The following ZRANB1 variants were observed in gnomAD, a reference collection of about 807,000 sequenced individuals.
ZRANB1 encodes ubiquitin thioesterase ZRANB1.
Under a neutral mutation model 80.5 loss-of-function variants are expected in ZRANB1, and 16 were observed. The ratio of observed to expected loss-of-function variants is 0.20; its 90% confidence interval spans 0.13 to 0.30. ZRANB1 has a LOEUF of 0.30. Among genes scored for constraint, ZRANB1 ranks in the 10% least tolerant of loss-of-function variants. The pLI is 1.00. For synonymous variants in ZRANB1, 291 were observed against 293.1 expected, an observed-to-expected ratio of 0.99 and a Z score of 0.07; for missense variants, 576 against 862.6, an observed-to-expected ratio of 0.67 and a Z score of 4.16.
chr10:124,949,960 T>TA (rs1554936833), intron 1 of ZRANB1, among the ~76,000 whole-genome samples: 4 of 152,260 alleles, frequency 2.6e-5, no homozygotes, highest in East Asian at 1.9e-4. Flanking sequence ...ATCAATGACT[T>TA]ACGGACTGAA....
the ZRANB1 span, among the ~76,000 whole-genome samples, chr10:124,921,007 T>C: frequency 1.3e-5 from 2 of 152,204 alleles, no homozygotes; most frequent in African/African-American, 4.8e-5. Context: ...ATGAGACAAA[T>C]ACTTGAAACT....
At chr10:124,923,379 A>G in the ZRANB1 span, among the ~76,000 whole-genome samples, 1 of 150,474 alleles carries the variant, frequency 6.6e-6, no homozygotes, top group African/African-American at 2.5e-5. Flanking sequence ...GGATCACGAG[A>G]TCAGGAGTTC....
At position 124,987,141 on chromosome 10, in the gene ZRANB1, A is replaced by G. The variant is rs1366236210; in HGVS notation, c.*2149A>G. The stretch of plus-strand genomic sequence containing the variant: ...AAAGGCCAAAAATTTTGGTAAATCA[A>G]TGCTATATTATGCTCTTGAACTATT... On this transcript the variant is annotated 3_prime_UTR_variant, in exon 9 of 9. Transcript: ENST00000359653. The G allele has an allele frequency of 2.0e-5, 3 of 152,586 alleles. No homozygotes were observed. The highest frequency in any genetic ancestry group is 7.2e-5 in the African/African-American group (3 of 41,416). The allele number at this position is 152,586 out of a possible 1,614,324, so 9.5% of individuals were successfully genotyped here. A position where few individuals can be genotyped will look rare whatever the true frequency, so the allele number is the denominator to read the frequency against.
At chr10:124,935,784 G>GT in the ZRANB1 span, among the ~76,000 whole-genome samples, 1 of 152,158 alleles carries the variant, frequency 6.6e-6, no homozygotes, top group African/African-American at 2.4e-5. Flanking sequence ...AACACAAGGT[G>GT]CTGGTCTACC....
upstream of ZRANB1, among the ~76,000 whole-genome samples, chr10:124,941,388 C>T (rs1401157694): frequency 6.6e-6 from 1 of 152,066 alleles, no homozygotes; most frequent in African/African-American, 2.4e-5. Flanking sequence ...GAGTCTCACT[C>T]TGTCACCCAG....
Position 124,951,028 on chromosome 10 carries a change from A to C in ZRANB1, c.814+7721A>C, listed in dbSNP as rs1056824811. 4.0e-5 allele frequency among the ~76,000 whole-genome samples: 6 copies of C among 149,152 alleles called. No individual in the cohort carries two copies. In the Admixed American group the frequency reaches 4.1e-4, roughly 10 times the overall value. On this transcript the variant is annotated intron_variant, in intron 1 of 8. Coordinates refer to ENST00000359653, the MANE Select transcript of ZRANB1 (RefSeq NM_017580.3). ...GGTATTTGTCCATTTGGTTTTACTT[A>C]CACACCTTGTTTAAAAAAAAAAATA...
chr10:124,923,375 C>T, the ZRANB1 span, among the ~76,000 whole-genome samples: 3 of 150,728 alleles, frequency 2.0e-5, no homozygotes, highest in Non-Finnish European at 4.4e-5. Flanking sequence ...AGGTGGATCA[C>T]GAGATCAGGA....
In ZRANB1 at chr10:124,983,678, C is replaced by T. The variant is rs1951963070; in HGVS notation, c.1898C>T (p.Ser633Phe). Residue 633 changes from serine (S) to phenylalanine (F), a missense_variant, in exon 8 of 9, where the codon TCT becomes TTT. Physicochemically the swap from Ser to Phe is radical, Grantham distance 155. Transcript: ENST00000359653. This position sits in a 1 kb window ranked among gnomAD's most constrained non-coding sequence, Gnocchi z 6.2. Reference sequence around the variant, plus strand: ...AAGCTACTCCATGTGCACTTCCTTTCTGCTCAGGAGGTAAGCAGTTTCTCC... The same window carrying T: ...AAGCTACTCCATGTGCACTTCCTTTTTGCTCAGGAGGTAAGCAGTTTCTCC... Reference protein sequence around the residue: ...ERKLLHVHFLSAQELGNEEQQ... With the variant: ...ERKLLHVHFLFAQELGNEEQQ... The T allele has an allele frequency of 3.1e-6, 5 of 1,587,408 alleles. No homozygotes were observed. The highest frequency in any genetic ancestry group is 3.4e-6 in the Non-Finnish European group (4 of 1,165,020).
At position 124,942,881 on chromosome 10, in the gene ZRANB1, G is replaced by A. The variant is rs376069957; in HGVS notation, c.388G>A (p.Val130Ile). ...PQSSGSGSRP[V>I]AFSVDPCEEY... is the part of the protein sequence containing the mutation. ...GTCCTCAGGATCTGGCTCAAGACCA[G>A]TTGCTTTTTCTGTTGATCCTTGTGA... The change falls in exon 1 of 9, where the codon GTT (valine) becomes ATT (isoleucine). Residue 130 changes from valine to isoleucine, a missense_variant. Around this residue, in one of 3 missense-constraint regions of ZRANB1, gnomAD observed 411 missense variants for 583.1 expected, o/e 0.70. Coordinates refer to ENST00000359653, the MANE Select transcript of ZRANB1 (RefSeq NM_017580.3). 4.3e-6 allele frequency: 7 copies of A among 1,614,118 alleles called. No homozygotes were observed. In the African/African-American group the frequency reaches 9.3e-5, roughly 22 times the overall value.
At chr10:124,970,901 G>A (rs749093291) in intron 2 of ZRANB1, among the ~76,000 whole-genome samples, 2 of 139,646 alleles carry the variant, frequency 1.4e-5, no homozygotes, top group Non-Finnish European at 3.0e-5. Context: ...GCAGTGGCGC[G>A]TTCTCAGCTC....
rs140555938 is a variant in ZRANB1, at chr10:124,970,900, C to T, written c.1003-1065C>T. Among the ~76,000 whole-genome samples the T allele has an allele frequency of 1.2e-3, 162 of 138,412 alleles. 1 individual carries two copies. The highest frequency in any genetic ancestry group is 4.2e-3 in the African/African-American group (154 of 36,910). 90.8% of individuals were successfully genotyped at this position (138,412 alleles called of 152,430 possible). On this transcript the variant is annotated intron_variant, in intron 2 of 8. Coordinates refer to ENST00000359653, the MANE Select transcript of ZRANB1 (RefSeq NM_017580.3). ...TCACCCTGGCTGGAGTGCAGTGGCG[C>T]GTTCTCAGCTCATTTCAACTTCCTC...
At chr10:124,926,509 T>C in the ZRANB1 span, among the ~76,000 whole-genome samples, 1 of 152,162 alleles carries the variant, frequency 6.6e-6, no homozygotes, top group Admixed American at 6.5e-5. Context: ...CACCTGTACA[T>C]CTTGTCCCAC....
chr10:124,957,114 G>T (rs1223121175), intron 1 of ZRANB1, among the ~76,000 whole-genome samples: 1 of 151,540 alleles, frequency 6.6e-6, no homozygotes, highest in Non-Finnish European at 1.5e-5. Context: ...TTCAGTTAAG[G>T]ATTATACATT....
chr10:124,940,909 G>A (rs1951529791), upstream of ZRANB1, among the ~76,000 whole-genome samples: 1 of 151,950 alleles, frequency 6.6e-6, no homozygotes, highest in African/African-American at 2.4e-5. Flanking sequence ...CCTGGGAGGT[G>A]GAGGTTGCAG....
chr10:124,941,019 A>G (rs1188892716), upstream of ZRANB1, among the ~76,000 whole-genome samples: 1 of 150,768 alleles, frequency 6.6e-6, no homozygotes, highest in African/African-American at 2.5e-5. Flanking sequence ...CAACAAAAAA[A>G]CAAACAAACA....
chr10:124,949,522 C>CTT (rs1564957326), intron 1 of ZRANB1, among the ~76,000 whole-genome samples: 1 of 33,878 alleles, frequency 3.0e-5, no homozygotes, highest in Admixed American at 2.7e-4. Context: ...CACACACACA[C>CTT]ATTTTTTTTT....
intron 2 of ZRANB1, among the ~76,000 whole-genome samples, chr10:124,971,642 G>A (rs756129247): frequency 6.6e-6 from 1 of 152,160 alleles, no homozygotes; most frequent in Non-Finnish European, 1.5e-5. Flanking sequence ...GTCTACTGAG[G>A]TTTTCTGTCC....
At chr10:124,933,138 CTT>C in the ZRANB1 span, among the ~76,000 whole-genome samples, 173 of 132,658 alleles carry the variant, frequency 1.3e-3, no homozygotes, top group Non-Finnish European at 1.8e-3. Context: ...TCTTTTCTTT[CTT>C]TTTTTTTTTT....
At chr10:124,920,637 T>A in the ZRANB1 span, among the ~76,000 whole-genome samples, 1 of 151,858 alleles carries the variant, frequency 6.6e-6, no homozygotes, top group South Asian at 2.1e-4. Context: ...CTCTTCTGCT[T>A]GTATTCATGG....
Sources: allele counts gnomAD v4.1 joint callset (sites outside exome capture counted in the v4.1 genomes callset), GRCh38; gene constraint gnomAD v4.1.1; regional missense constraint gnomAD v4.1.1; non-coding constraint Gnocchi (gnomAD v3.1); transcripts MANE v1.5; gene names NCBI Gene and HGNC (gene_info 2026-07-23, HGNC 2026-07-21).